FRMD4B: variants seen among roughly 807,000 people sequenced by gnomAD.
FRMD4B encodes FERM domain-containing protein 4B.
FRMD4B carries 74 observed loss-of-function variants against 141.5 expected under a neutral mutation model. The ratio of observed to expected loss-of-function variants is 0.52; its 90% CI spans 0.43 to 0.63. The LOEUF (loss-of-function observed/expected upper bound fraction) is 0.63, where lower values mean the gene tolerates loss of function less well. FRMD4B is among the 30% of genes least tolerant of loss of function. The pLI is 0.00. For missense variants in FRMD4B, 1,366 were observed against 1,253.4 expected (o/e 1.09, Z -1.36); for synonymous variants, 506 against 467.9 (o/e 1.08, Z -1.05).
rs1353193025 is a variant in FRMD4B, at chr3:69,385,974, T to G, written c.16A>C (p.Met6Leu). The G allele has an allele frequency of 1.9e-6, 3 of 1,599,720 alleles. No individual in the cohort carries two copies. The highest frequency in any genetic ancestry group is 1.3e-5 in the African/African-American group (1 of 74,314). Reference protein sequence around the residue: MASVFMCGVEDLLFSG... With the variant: MASVFLCGVEDLLFSG... ...AACAGCAGGTCCTCCACGCCACACA[T>G]GAACACCGAAGCCATGCCTCCTCCT... Residue 6 changes from methionine to leucine, a missense_variant, in exon 1 of 23, where the codon ATG becomes CTG. Coordinates refer to ENST00000398540, the MANE Select transcript of FRMD4B (RefSeq NM_015123.3).
intron 5 of FRMD4B, 105 bp downstream of exon 5, chr3:69,287,647 T>C: frequency 1.5e-6 from 1 of 681,788 alleles, no homozygotes; most frequent in Non-Finnish European, 2.6e-6. Flanking sequence ...TTGTGGCCTT[T>C]TTTTTTTTCT....
At chr3:69,204,715 G>C (rs2093005217) in intron 11 of FRMD4B, among the ~76,000 whole-genome samples, 1 of 152,186 alleles carries the variant, frequency 6.6e-6, no homozygotes, top group South Asian at 2.1e-4. Context: ...GAGGGTACAG[G>C]CTGTCGAAGT....
intron 1 of FRMD4B, among the ~76,000 whole-genome samples, chr3:69,337,040 A>T (rs1702580351): frequency 6.6e-6 from 1 of 152,214 alleles, no homozygotes; most frequent in South Asian, 2.1e-4. Context: ...GCACCACGCT[A>T]CCTGACTTCA....
chr3:69,180,875 T>C (rs9818314), intron 21 of FRMD4B, 24 bp downstream of exon 21: 1,439,122 of 1,460,848 alleles, frequency 0.99, 710,594 homozygotes, highest in Non-Finnish European at 1. Context: ...ATCCAGGTGT[T>C]GCGTGTTTTT....
intron 1 of FRMD4B, among the ~76,000 whole-genome samples, chr3:69,513,961 G>A (rs1706730292): frequency 6.6e-6 from 1 of 152,134 alleles, no homozygotes; most frequent in Admixed American, 6.6e-5. Flanking sequence ...ACTCAATGGT[G>A]AAAGACAAAG....
At chr3:69,539,390 G>A in intron 1 of FRMD4B, among the ~76,000 whole-genome samples, 1 of 152,198 alleles carries the variant, frequency 6.6e-6, no homozygotes, top group East Asian at 1.9e-4. Context: ...ACACTTGGGA[G>A]TGGCTGTGAA....
Position 69,170,522 on chromosome 3 carries a change from T to C in FRMD4B, c.*1339A>G, listed in dbSNP as rs1017100745. 9.2e-5 allele frequency: 14 copies of C among 152,150 alleles called. No homozygotes were observed. Among genetic ancestry groups the C allele is most frequent in the Non-Finnish European group, 1.2e-4 (8 of 68,024 alleles). The allele number at this position is 152,150 out of a possible 1,614,324, so 9.4% of individuals were successfully genotyped here. ...TGTATATATTACATGCTTTGGAATA[T>C]AGATAGAAAATGTTCCAAAAAAGTT... On this transcript the variant is annotated 3_prime_UTR_variant, in exon 23 of 23. Transcript: ENST00000398540.
intron 7 of FRMD4B, among the ~76,000 whole-genome samples, chr3:69,237,238 A>T (rs551160535): frequency 3.9e-4 from 60 of 152,346 alleles, no homozygotes; most frequent in Non-Finnish European, 7.4e-4. Context: ...GGGCCGGGAA[A>T]GGAAACACCC....
intron 1 of FRMD4B, among the ~76,000 whole-genome samples, chr3:69,364,988 A>G (rs1314781318): frequency 6.6e-6 from 1 of 152,244 alleles, no homozygotes. Context: ...GTAAAGGAGG[A>G]AACCACAATA....
At chr3:69,472,224 A>T (rs1033458320) in intron 1 of FRMD4B, 17 of 304,578 alleles carry the variant, frequency 5.6e-5, no homozygotes, top group Non-Finnish European at 8.8e-5. Context: ...TCTTGTGACT[A>T]AAATGAGAGA....
chr3:69,229,588 T>C (rs538258222), intron 7 of FRMD4B, among the ~76,000 whole-genome samples: 330 of 152,278 alleles, frequency 2.2e-3, no homozygotes, highest in Middle Eastern at 3.4e-3. Flanking sequence ...CTGACACAGA[T>C]AGCTTGGCAG....
At chr3:69,175,769 CTTTTTTT>C (rs141059202) in intron 22 of FRMD4B, among the ~76,000 whole-genome samples, 5 of 88,112 alleles carry the variant, frequency 5.7e-5, no homozygotes, top group African/African-American at 1.1e-4. Flanking sequence ...CTTTTCTTCT[CTTTTTTT>C]TTTTTTTTTT....
intron 5 of FRMD4B, among the ~76,000 whole-genome samples, chr3:69,254,190 C>T (rs1035806826): frequency 1.3e-5 from 2 of 152,164 alleles, no homozygotes; most frequent in East Asian, 1.9e-4. Flanking sequence ...CCACAACCTC[C>T]GCCTCCCGAG....
intron 1 of FRMD4B, among the ~76,000 whole-genome samples, chr3:69,499,725 T>C (rs1000710602): frequency 1.3e-5 from 2 of 152,156 alleles, no homozygotes; most frequent in South Asian, 2.1e-4. Flanking sequence ...TGGATTCTAA[T>C]AGATTGCATT....
intron 1 of FRMD4B, among the ~76,000 whole-genome samples, chr3:69,336,111 G>GA (rs397817420): frequency 6.6e-6 from 1 of 151,970 alleles, no homozygotes; most frequent in East Asian, 1.9e-4. Flanking sequence ...CCCTTGGGGG[G>GA]TGAAGTCACC....
At chr3:69,200,377 C>T (rs762517918) in intron 11 of FRMD4B, 58 of 968,290 alleles carry the variant, frequency 6.0e-5, no homozygotes, top group Non-Finnish European at 7.0e-5. Flanking sequence ...ATACCCATTT[C>T]TTAAAATCTC....
intron 19 of FRMD4B, among the ~76,000 whole-genome samples, 175 bp from the exon 20 acceptor site, chr3:69,182,892 C>T (rs905761542): frequency 4.0e-5 from 6 of 151,854 alleles, no homozygotes; most frequent in African/African-American, 7.3e-5. Context: ...GCTAAAACAG[C>T]GGGAGCACAT....
At chr3:69,461,391 C>A (rs943249030) in intron 1 of FRMD4B, among the ~76,000 whole-genome samples, 3 of 151,484 alleles carry the variant, frequency 2.0e-5, no homozygotes, top group African/African-American at 4.9e-5. Flanking sequence ...AGACCCCCCC[C>A]ATCTCTAAAA....
intron 1 of FRMD4B, among the ~76,000 whole-genome samples, chr3:69,507,849 T>C (rs1187353605): frequency 1.3e-5 from 2 of 152,054 alleles, no homozygotes; most frequent in Non-Finnish European, 2.9e-5. Context: ...GAGGGAAAAA[T>C]AGGTTTTTTT....
Sources: allele counts gnomAD v4.1 joint callset (sites outside exome capture counted in the v4.1 genomes callset), GRCh38; gene constraint gnomAD v4.1.1; transcripts MANE v1.5; gene names NCBI Gene and HGNC (gene_info 2026-07-23, HGNC 2026-07-21).